The following MEIS1 variants were observed in gnomAD, a reference collection of about 807,000 sequenced individuals.
MEIS1 encodes homeobox protein Meis1.
A neutral mutation model predicts 50.8 loss-of-function variants in MEIS1; 5 were observed. That is an observed-to-expected ratio of 0.10 (90% confidence interval 0.05 to 0.21). The LOEUF (loss-of-function observed/expected upper bound fraction) is 0.21, where lower values mean the gene tolerates loss of function less well. Among genes scored for constraint, MEIS1 ranks in the 10% least tolerant of loss-of-function variants. The pLI, the probability that MEIS1 is intolerant of heterozygous loss-of-function variation, is 1.00. For synonymous variants in MEIS1, 176 were observed against 179.3 expected (o/e 0.98, Z 0.15); for missense variants, 318 against 517.3 (o/e 0.61, Z 3.74).
chr2:66,552,028 G>GACACACACAC (rs71980656), intron 9 of MEIS1, among the ~76,000 whole-genome samples: 2 of 147,198 alleles, frequency 1.4e-5, no homozygotes, highest in East Asian at 2.0e-4. Context: ...CTTTATGGAA[G>GACACACACAC]ACACACACAC....
rs1444720530 is a variant in MEIS1, at chr2:66,466,763, T to C, written c.742+2543T>C. On this transcript the variant is annotated intron_variant, in intron 7 of 12. Transcript: ENST00000272369. ...ATTTATAAATCCATAAATATGTCTTTATACATACCCAATAGACAGAAATAA... is the reference window on the plus strand; with the variant it reads ...ATTTATAAATCCATAAATATGTCTTCATACATACCCAATAGACAGAAATAA... 2.6e-5 allele frequency among the ~76,000 whole-genome samples: 4 copies of C among 152,182 alleles called. No individual in the cohort carries two copies. In the East Asian group the frequency reaches 5.8e-4, roughly 22 times the overall value.
At position 66,435,352 on chromosome 2, in the gene MEIS1, T is replaced by G. The variant is rs1237185387; in HGVS notation, c.-505T>G. The G allele has an allele frequency of 2.3e-5, 4 of 176,790 alleles. No homozygotes were observed. Among genetic ancestry groups the G allele is most frequent in the Non-Finnish European group, 4.7e-5 (4 of 84,902 alleles). The allele number at this position is 176,790 out of a possible 1,614,324, so 11.0% of individuals were successfully genotyped here. ...AGAGAAACTGATTAGGAATTAGGAC[T>G]GATTCAAGGGAAGCGAGCGCTAGGG... On this transcript the variant is annotated 5_prime_UTR_variant, in exon 1 of 13. Transcript: ENST00000272369.
chr2:66,551,060 G>A (rs888795993), intron 9 of MEIS1, among the ~76,000 whole-genome samples: 2 of 152,142 alleles, frequency 1.3e-5, no homozygotes, highest in African/African-American at 4.8e-5. Flanking sequence ...GACAGGTTGA[G>A]TGTAGATCAG....
intron 3 of MEIS1, 90 bp from the exon 4 acceptor site, chr2:66,440,472 G>A: frequency 8.7e-7 from 1 of 1,146,270 alleles, no homozygotes; most frequent in South Asian, 1.3e-5. Flanking sequence ...AGTGTAATGA[G>A]GCAAGAAACT....
intron 8 of MEIS1, among the ~76,000 whole-genome samples, chr2:66,519,432 A>C (rs1674057089): frequency 6.6e-6 from 1 of 151,942 alleles, no homozygotes; most frequent in Non-Finnish European, 1.5e-5. Flanking sequence ...AGTGTGGGCA[A>C]CTTGGCTAGC....
At position 66,525,691 on chromosome 2, in the gene MEIS1, C is replaced by T. The variant is rs144886748; in HGVS notation, c.888+13397C>T. 1.1e-3 allele frequency among the ~76,000 whole-genome samples: 164 copies of T among 152,346 alleles called. 1 individual carries two copies. Among genetic ancestry groups the T allele is most frequent in the East Asian group, 5.8e-3 (30 of 5,182 alleles). ...GGCTCTGCAGAAAGACAGACTGTTT[C>T]TTCTGGGCTTGTTGACAGTACACTT... On this transcript the variant is annotated intron_variant, in intron 8 of 12. Coordinates refer to ENST00000272369, the MANE Select transcript of MEIS1 (RefSeq NM_002398.3).
intron 6 of MEIS1, among the ~76,000 whole-genome samples, chr2:66,457,687 A>ACC (rs200156212): frequency 5.9e-5 from 9 of 151,940 alleles, no homozygotes; most frequent in African/African-American, 2.2e-4. Flanking sequence ...AATTAGATGC[A>ACC]CCCCCCCAGA....
At chr2:66,557,831 C>T (rs975713419) in intron 9 of MEIS1, among the ~76,000 whole-genome samples, 17 of 152,290 alleles carry the variant, frequency 1.1e-4, no homozygotes, top group African/African-American at 4.1e-4. Flanking sequence ...TTCATTCGAT[C>T]ATCCCAATTT....
intron 6 of MEIS1, chr2:66,461,788 G>A (rs1034432680): frequency 2.9e-5 from 13 of 449,606 alleles, no homozygotes; most frequent in African/African-American, 1.8e-4. Flanking sequence ...GCAATGAATC[G>A]GAATGCCTCA....
At chr2:66,448,047 A>G (rs1218554748) in intron 6 of MEIS1, among the ~76,000 whole-genome samples, 1 of 152,184 alleles carries the variant, frequency 6.6e-6, no homozygotes, top group Non-Finnish European at 1.5e-5. Context: ...TCTGAAATAT[A>G]TAGAGTAGTT....
chr2:66,530,913 G>C (rs1674376130), intron 8 of MEIS1, among the ~76,000 whole-genome samples: 1 of 152,202 alleles, frequency 6.6e-6, no homozygotes, highest in Non-Finnish European at 1.5e-5. Context: ...AGTTGTTATT[G>C]ATAACCTTTG....
At chr2:66,494,059 A>G (rs558783846) in intron 7 of MEIS1, among the ~76,000 whole-genome samples, 7 of 152,350 alleles carry the variant, frequency 4.6e-5, no homozygotes, top group African/African-American at 1.4e-4. Context: ...GATGGGCTGT[A>G]TAGAAATATA....
intron 8 of MEIS1, among the ~76,000 whole-genome samples, chr2:66,529,935 G>A (rs55742206): frequency 0.23 from 35,470 of 152,134 alleles, 5,095 homozygotes; most frequent in Non-Finnish European, 0.33. Context: ...GAAGATCAAA[G>A]TAGAAAGGGA....
chr2:66,569,255 T>A, intron 12 of MEIS1, 110 bp downstream of exon 12: 1 of 903,450 alleles, frequency 1.1e-6, no homozygotes, highest in East Asian at 2.5e-5. Context: ...TTCCTTTCCA[T>A]TAAACTCCTG....
chr2:66,442,973 G>A lies in MEIS1; in HGVS notation c.555G>A (p.Leu185=). The A allele has an allele frequency of 6.2e-7, 1 of 1,603,218 alleles. No homozygotes were observed. The highest frequency in any genetic ancestry group is 8.5e-7 in the Non-Finnish European group (1 of 1,176,432). The change falls in exon 6 of 13, where the codon TTG becomes TTA. Residue 185 remains leucine (L), a synonymous_variant. Coordinates refer to ENST00000272369, the MANE Select transcript of MEIS1 (RefSeq NM_002398.3). ...SCLKGKMPID[L]VIDDREGGSK... ...TGAAAGGGAAAATGCCTATCGATTT[G>A]GTGATAGACGATAGAGAAGGAGGAT...
intron 7 of MEIS1, among the ~76,000 whole-genome samples, chr2:66,472,421 C>G (rs1026151807): frequency 6.6e-6 from 1 of 152,126 alleles, no homozygotes; most frequent in Non-Finnish European, 1.5e-5. Flanking sequence ...ACATTCTAGT[C>G]AAGTCATCAA....
At chr2:66,531,663 C>T (rs1363839024) in intron 8 of MEIS1, among the ~76,000 whole-genome samples, 1 of 152,186 alleles carries the variant, frequency 6.6e-6, no homozygotes, top group Non-Finnish European at 1.5e-5. Flanking sequence ...GATAATTGAA[C>T]ATTAATACTC....
chr2:66,548,083 G>T, intron 9 of MEIS1, 64 bp downstream of exon 9: 1 of 1,530,332 alleles, frequency 6.5e-7, no homozygotes, highest in East Asian at 2.3e-5. Flanking sequence ...TGCAGCTCAT[G>T]TTTTGCATTA....
Position 66,445,490 on chromosome 2 carries a change from G to C in MEIS1, c.630+2442G>C, listed in dbSNP as rs1355453472. On this transcript the variant is annotated intron_variant, in intron 6 of 12. Coordinates refer to ENST00000272369, the MANE Select transcript of MEIS1 (RefSeq NM_002398.3). Reference sequence around the variant, plus strand: ...CGCTGAACCCCTAGTGCGGCGTCCTGGGGGCCGGGCAGGAAGGATGGCCTC... The same window carrying C: ...CGCTGAACCCCTAGTGCGGCGTCCTCGGGGCCGGGCAGGAAGGATGGCCTC... Among the ~76,000 whole-genome samples, 3 of 152,230 alleles carry C rather than the reference G, an allele frequency of 2.0e-5. No individual in the cohort carries two copies. The East Asian group carries it at 5.8e-4, about 29-fold the overall frequency.
Sources: allele counts gnomAD v4.1 joint callset (sites outside exome capture counted in the v4.1 genomes callset), GRCh38; gene constraint gnomAD v4.1.1; transcripts MANE v1.5; gene names NCBI Gene and HGNC (gene_info 2026-07-23, HGNC 2026-07-21).